Variants in RNF38 observed in about 807,000 individuals in gnomAD.
RNF38 encodes ring finger protein 38.
RNF38 carries 15 observed loss-of-function variants against 67.2 expected under a neutral mutation model. The observed-to-expected ratio is 0.22, with a 90% CI of 0.15 to 0.34. The LOEUF (loss-of-function observed/expected upper bound fraction) is 0.34, where lower values mean the gene tolerates loss of function less well. Among genes scored for constraint, RNF38 ranks in the 10% least tolerant of loss-of-function variants. The pLI is 1.00. For missense variants in RNF38, 524 were observed against 639.9 expected, an observed-to-expected ratio of 0.82 and a Z score of 1.95; for synonymous variants, 220 against 218.8, an observed-to-expected ratio of 1.01 and a Z score of -0.05.
intron 1 of RNF38, among the ~76,000 whole-genome samples, chr9:36,471,546 G>A (rs149558868): frequency 1.1e-3 from 161 of 152,166 alleles, no homozygotes; most frequent in African/African-American, 3.4e-3. Context: ...CTTCTGAAGC[G>A]GTAATCCCAG....
rs80123528 is a variant in RNF38, at chr9:36,358,566, T to C, written c.571-624A>G. ...TTTAATACTACATTGCAGGTATGTA[T>C]GCAAGGGAGTTAAAAGTAACTTGTT... On this transcript the variant is annotated intron_variant, in intron 4 of 11. Transcript: ENST00000259605. Among the ~76,000 whole-genome samples the C allele has an allele frequency of 7.9e-5, 12 of 152,366 alleles. No homozygotes were observed. The East Asian group carries it at 1.5e-3, about 20-fold the overall frequency.
At chr9:36,435,803 G>A (rs1029510609) in intron 1 of RNF38, among the ~76,000 whole-genome samples, 5 of 151,940 alleles carry the variant, frequency 3.3e-5, no homozygotes, top group African/African-American at 4.8e-5. Context: ...CTAATTTTTC[G>A]TATTTTTCAT....
At chr9:36,471,424 T>C (rs1325317189) in intron 1 of RNF38, among the ~76,000 whole-genome samples, 1 of 152,206 alleles carries the variant, frequency 6.6e-6, no homozygotes, top group Non-Finnish European at 1.5e-5. Context: ...TGTTTACATC[T>C]CAAATGTGCT....
chr9:36,465,149 A>G (rs1382320141), intron 1 of RNF38, among the ~76,000 whole-genome samples: 2 of 152,228 alleles, frequency 1.3e-5, no homozygotes, highest in Non-Finnish European at 2.9e-5. Context: ...GAACCCTCGT[A>G]CACTGCTGGT....
intron 3 of RNF38, chr9:36,372,554 T>C: frequency 1.4e-6 from 1 of 716,362 alleles, no homozygotes; most frequent in Non-Finnish European, 2.6e-6. Context: ...TGGCACAGCC[T>C]GTTTCTGGGA....
At chr9:36,451,072 C>T (rs769727006) in intron 1 of RNF38, among the ~76,000 whole-genome samples, 38 of 152,186 alleles carry the variant, frequency 2.5e-4, no homozygotes, top group Non-Finnish European at 4.4e-4. Context: ...AAAGAGAAAA[C>T]ACAGAGGACT....
At chr9:36,343,497 T>C (rs1832995201) in intron 10 of RNF38, among the ~76,000 whole-genome samples, 1 of 152,032 alleles carries the variant, frequency 6.6e-6, no homozygotes, top group South Asian at 2.1e-4. Context: ...TAGTAGCACA[T>C]GAAAACACAC....
chr9:36,486,938 C>T (rs970851701), intron 1 of RNF38, among the ~76,000 whole-genome samples: 1 of 152,144 alleles, frequency 6.6e-6, no homozygotes, highest in African/African-American at 2.4e-5. Context: ...GCCCCCTCTG[C>T]TCGGGGCCCG....
At chr9:36,347,484 C>CA (rs964932212) in intron 9 of RNF38, among the ~76,000 whole-genome samples, 1 of 152,178 alleles carries the variant, frequency 6.6e-6, no homozygotes, top group African/African-American at 2.4e-5. Flanking sequence ...TGGTAATTCT[C>CA]ACAGCATTTC....
At chr9:36,379,065 T>G (rs957894067) in intron 2 of RNF38, among the ~76,000 whole-genome samples, 2 of 152,138 alleles carry the variant, frequency 1.3e-5, no homozygotes, top group African/African-American at 4.8e-5. Flanking sequence ...CATGCCTGGC[T>G]AATTTCATAT....
rs544194004 is a variant in RNF38 at position 36,390,168 on chromosome 9, C to G, written c.162+299G>C. Among the ~76,000 whole-genome samples, 6 of 152,282 alleles carry G rather than the reference C, an allele frequency of 3.9e-5. No homozygotes were observed. The East Asian group carries it at 1.2e-3, about 29-fold the overall frequency. On this transcript the variant is annotated intron_variant, in intron 2 of 11. Coordinates refer to ENST00000259605, the MANE Select transcript of RNF38 (RefSeq NM_022781.5). ...CCTACACAACTTCATATATTCTACA[C>G]TATCTTCTACTTTCCTACAGAACTT... is the stretch of plus-strand genomic sequence containing the variant.
chr9:36,431,571 G>T (rs746205564), intron 1 of RNF38, among the ~76,000 whole-genome samples: 1 of 152,166 alleles, frequency 6.6e-6, no homozygotes, highest in Non-Finnish European at 1.5e-5. Context: ...AGGCACATGG[G>T]GTTAAGATAT....
Position 36,474,717 on chromosome 9 carries a change from TTAAA to T in RNF38, n.241+12587_241+12590del, listed in dbSNP as rs1420444589. On this transcript the variant is annotated intron_variant and non_coding_transcript_variant, in intron 1 of 3. Coordinates refer to the RNF38 transcript ENST00000488058. ...CACATAAAATACTTAGAATAGAACC[TTAAA>T]TAATAAGCACACAATAAGTGACCAC... 2.0e-5 allele frequency among the ~76,000 whole-genome samples: 3 copies of T among 148,322 alleles called. 1 individual carries two copies. Among genetic ancestry groups the T allele is most frequent in the African/African-American group, 7.5e-5 (3 of 39,988 alleles).
At position 36,448,569 on chromosome 9, in the gene RNF38, C is replaced by T. The variant is rs575356083; in HGVS notation, n.242-23886G>A. ...GTGATATTATTCAAGTCAATCTCTC[C>T]GCAACTCAGTATTTACACCTTTAAA... On this transcript the variant is annotated intron_variant and non_coding_transcript_variant, in intron 1 of 3. Coordinates refer to the RNF38 transcript ENST00000488058. 7.2e-5 allele frequency among the ~76,000 whole-genome samples: 11 copies of T among 152,162 alleles called. No individual in the cohort carries two copies. In the South Asian group the frequency reaches 2.1e-3, roughly 29 times the overall value.
chr9:36,403,454 G>A (rs1409444019), upstream of RNF38, among the ~76,000 whole-genome samples: 3 of 152,178 alleles, frequency 2.0e-5, no homozygotes, highest in Admixed American at 6.5e-5. Context: ...ACAGGGCTAC[G>A]GGACAGTACA....
chr9:36,414,028 G>A (rs1210840022), intron 2 of RNF38, among the ~76,000 whole-genome samples: 2 of 152,056 alleles, frequency 1.3e-5, no homozygotes, highest in Non-Finnish European at 2.9e-5. Context: ...AGTCTGTTTC[G>A]TCTGATATAA....
At chr9:36,453,523 C>T (rs978128029) in intron 1 of RNF38, among the ~76,000 whole-genome samples, 2 of 152,008 alleles carry the variant, frequency 1.3e-5, no homozygotes, top group East Asian at 1.9e-4. Flanking sequence ...GCTGGGATTA[C>T]AGGCGCACGC....
intron 1 of RNF38, among the ~76,000 whole-genome samples, chr9:36,486,272 C>T (rs1157501228): frequency 6.6e-6 from 1 of 152,172 alleles, no homozygotes; most frequent in Non-Finnish European, 1.5e-5. Context: ...AACAACCCAC[C>T]TCATCATCCA....
chr9:36,447,600 G>A (rs1218265505), intron 1 of RNF38, among the ~76,000 whole-genome samples: 1 of 152,026 alleles, frequency 6.6e-6, no homozygotes, highest in Non-Finnish European at 1.5e-5. Flanking sequence ...AGGTACTAAG[G>A]AAAGGAATAA....
Sources: allele counts gnomAD v4.1 joint callset (sites outside exome capture counted in the v4.1 genomes callset), GRCh38; gene constraint gnomAD v4.1.1; transcripts MANE v1.5; gene names NCBI Gene and HGNC (gene_info 2026-07-23, HGNC 2026-07-21).